Variants in HEATR4 observed in about 807,000 individuals in gnomAD.
HEATR4 encodes HEAT repeat containing 4.
Under a neutral mutation model 108.8 loss-of-function variants are expected in HEATR4, and 95 were observed. The observed-to-expected ratio is 0.87, with a 90% confidence interval of 0.74 to 1.04. The LOEUF is 1.04. Ranked by LOEUF, HEATR4 falls within the 50% of genes least tolerant of loss-of-function variation. The pLI is 0.00. For missense variants in HEATR4, 1,152 were observed against 1,253.8 expected (o/e 0.92, Z 1.23); for synonymous variants, 443 against 459.4 (o/e 0.96, Z 0.46).
the HEATR4 span, chr14:73,592,380 G>C: frequency 1.1e-5 from 17 of 1,563,684 alleles, no homozygotes; most frequent in Non-Finnish European, 1.5e-5. Flanking sequence ...GTCGGTGCGA[G>C]CGGGCCGGGT....
At chr14:73,569,976 C>G in the HEATR4 span, 11 of 1,461,950 alleles carry the variant, frequency 7.5e-6, no homozygotes, top group East Asian at 5.0e-5. Flanking sequence ...GTATGCCCCC[C>G]CGCCGCGCCC....
At chr14:73,614,052 T>G in the HEATR4 span, among the ~76,000 whole-genome samples, 1 of 106,736 alleles carries the variant, frequency 9.4e-6, no homozygotes, top group Non-Finnish European at 2.1e-5. Flanking sequence ...AAAAAAAAAA[T>G]TAGGCAGGCA....
chr14:73,576,440 C>T, the HEATR4 span, among the ~76,000 whole-genome samples: 2 of 151,968 alleles, frequency 1.3e-5, no homozygotes, highest in Non-Finnish European at 2.9e-5. Flanking sequence ...GGATTTGTTT[C>T]AAAAGCTGAT....
At chr14:73,483,905 G>A (rs992469795) in intron 17 of HEATR4, among the ~76,000 whole-genome samples, 1 of 151,786 alleles carries the variant, frequency 6.6e-6, no homozygotes, top group African/African-American at 2.4e-5. Context: ...CCAGGCTGTA[G>A]TACAGTGGCT....
intron 11 of HEATR4, among the ~76,000 whole-genome samples, chr14:73,501,742 T>C (rs73293440): frequency 6.6e-6 from 1 of 151,286 alleles, no homozygotes; most frequent in African/African-American, 2.4e-5. Context: ...ACTGGCTAAC[T>C]TTTTATTTTA....
chr14:73,523,282 C>T, intron 2 of HEATR4, 58 bp from the exon 3 acceptor site: 2 of 825,906 alleles, frequency 2.4e-6, no homozygotes, highest in South Asian at 1.9e-5. Flanking sequence ...ATTGGTAGCC[C>T]ATAGCAGTTC....
At chr14:73,541,387 G>A (rs576716195) in intron 1 of HEATR4, 1 of 949,570 alleles carries the variant, frequency 1.1e-6, no homozygotes, top group South Asian at 1.5e-5. Context: ...CTAGGAGTGG[G>A]ATTGCTGGGT....
At chr14:73,506,121 C>T (rs61987098) in intron 10 of HEATR4, among the ~76,000 whole-genome samples, 21,947 of 151,222 alleles carry the variant, frequency 0.15, 2,289 homozygotes, top group Non-Finnish European at 0.22. Flanking sequence ...CAACTCCTGA[C>T]CTCGTGATCC....
the HEATR4 span, chr14:73,567,605 C>G: frequency 6.6e-6 from 1 of 152,052 alleles, no homozygotes; most frequent in Non-Finnish European, 1.5e-5. Context: ...GCTGGTCACC[C>G]CAGCTAGTAG....
chr14:73,484,502 C>G (rs1820218227), intron 17 of HEATR4, among the ~76,000 whole-genome samples: 1 of 152,062 alleles, frequency 6.6e-6, no homozygotes, highest in Non-Finnish European at 1.5e-5. Flanking sequence ...CCTCAGCCAC[C>G]TGAGTAGCTG....
At chr14:73,597,878 C>T in the HEATR4 span, among the ~76,000 whole-genome samples, 1 of 151,718 alleles carries the variant, frequency 6.6e-6, no homozygotes. Flanking sequence ...AGGCATTAGC[C>T]ACCGCGCCTG....
At chr14:73,574,872 A>C in the HEATR4 span, 5 of 1,613,254 alleles carry the variant, frequency 3.1e-6, no homozygotes, top group Non-Finnish European at 4.2e-6. Flanking sequence ...TGTTTGTGGA[A>C]TCATTCTTCT....
At chr14:73,532,254 G>A (rs1394098599) in intron 1 of HEATR4, among the ~76,000 whole-genome samples, 3 of 114,060 alleles carry the variant, frequency 2.6e-5, no homozygotes, top group African/African-American at 8.6e-5. Context: ...AATCTCCTTT[G>A]CCCACACAGT....
chr14:73,591,981 G>A, the HEATR4 span: 1 of 1,403,992 alleles, frequency 7.1e-7, no homozygotes, highest in South Asian at 1.6e-5. Context: ...GCTGATCCTG[G>A]AGCCCCCAGG....
chr14:73,550,937 A>G (rs1889310246), intron 1 of HEATR4, among the ~76,000 whole-genome samples: 1 of 114,144 alleles, frequency 8.8e-6, no homozygotes, highest in Non-Finnish European at 1.9e-5. Flanking sequence ...AGGCGGGCCG[A>G]TACGAGGTCA....
the HEATR4 span, chr14:73,596,462 AC>A: frequency 6.6e-6 from 1 of 152,008 alleles, no homozygotes; most frequent in Non-Finnish European, 1.5e-5. Flanking sequence ...GCACCACTGC[AC>A]TCCAGCCCAG....
chr14:73,568,671 G>A, the HEATR4 span, among the ~76,000 whole-genome samples: 1 of 151,976 alleles, frequency 6.6e-6, no homozygotes, highest in Non-Finnish European at 1.5e-5. Context: ...GTAAATCCTA[G>A]CATTTTGGGA....
rs1887813876 is a variant in HEATR4, at chr14:73,519,113, G to A, written c.1120C>T (p.Leu374=). The A allele has an allele frequency of 1.9e-6, 3 of 1,613,804 alleles. No homozygotes were observed. In the South Asian group the frequency reaches 3.3e-5, roughly 18 times the overall value. The change falls in exon 5 of 18, where the codon CTG becomes TTG. Residue 374 remains leucine, a synonymous_variant. Transcript: ENST00000553558. The part of the protein sequence containing the change: ...QIGAKRDQIV[L]ENLNRYNKQL... ...TTGTTGTACCGATTTAGGTTTTCCA[G>A]GACAATCTGGTCTCTCTTTGCACCA...
intron 1 of HEATR4, among the ~76,000 whole-genome samples, chr14:73,540,726 G>A (rs189775485): frequency 5.9e-4 from 68 of 115,406 alleles, no homozygotes; most frequent in African/African-American, 1.9e-3. Flanking sequence ...AGTGTTGCCT[G>A]TAAGGTGTTT....
Sources: allele counts gnomAD v4.1 joint callset (sites outside exome capture counted in the v4.1 genomes callset), GRCh38; gene constraint gnomAD v4.1.1; transcripts MANE v1.5; gene names NCBI Gene and HGNC (gene_info 2026-07-23, HGNC 2026-07-21).